Variants in ASCC2 observed in about 807,000 individuals in gnomAD.
ASCC2 encodes activating signal cointegrator 1 complex subunit 2, also known as ASC-1 complex subunit P100.
Under a neutral mutation model 93.5 loss-of-function variants are expected in ASCC2, and 42 were observed. That is an observed-to-expected ratio of 0.45 (90% CI 0.35 to 0.58). ASCC2 has a LOEUF of 0.58. ASCC2 is among the 20% of genes least tolerant of loss of function. The pLI is 0.00. For missense variants in ASCC2, 859 were observed against 977.6 expected (o/e 0.88, Z 1.62); for synonymous variants, 364 against 384.2 (o/e 0.95, Z 0.62).
At chr22:29,816,737 C>T (rs191786614) in intron 5 of ASCC2, 2 of 142,736 alleles carry the variant, frequency 1.4e-5, no homozygotes, top group African/African-American at 5.1e-5. Context: ...TAGGTTCGAG[C>T]ATATGGTAAC....
In ASCC2 at chr22:29,789,068, T is replaced by C. The variant is rs763203660; in HGVS notation, c.2219A>G (p.His740Arg). 5.0e-6 allele frequency: 8 copies of C among 1,614,180 alleles called. 1 individual carries two copies. Among genetic ancestry groups the C allele is most frequent in the Non-Finnish European group, 6.8e-6 (8 of 1,180,016 alleles). Residue 740 changes from histidine (H) to arginine (R), a missense_variant, in exon 20 of 20, where the codon CAC becomes CGC. Physicochemically the swap from His to Arg is conservative, Grantham distance 29. Transcript: ENST00000307790. Reference sequence around the variant, plus strand: ...GCGGTCGGCCATGGTTCTCCGGTTGTGGTTGGCTCTTGTCGCCTTGTTGGC... The same window carrying C: ...GCGGTCGGCCATGGTTCTCCGGTTGCGGTTGGCTCTTGTCGCCTTGTTGGC... ...KEANKATRAN[H>R]NRRTMADRKR... is the part of the protein sequence containing the mutation.
chr22:29,828,326 T>G lies in ASCC2; in HGVS notation c.82-2546A>C, dbSNP rs563271767. 2.0e-5 allele frequency among the ~76,000 whole-genome samples: 3 copies of G among 152,348 alleles called. No individual in the cohort carries two copies. In the East Asian group the frequency reaches 5.8e-4, roughly 29 times the overall value. ...TGAAAGCTGCCACTCATTGTGGACCTGCCCTGTGCCAGCCACTAAGCAGGC... is the reference window on the plus strand; with the variant it reads ...TGAAAGCTGCCACTCATTGTGGACCGGCCCTGTGCCAGCCACTAAGCAGGC... On this transcript the variant is annotated intron_variant, in intron 2 of 19. Transcript: ENST00000307790.
At position 29,818,299 on chromosome 22, in the gene ASCC2, A is replaced by ATG. The variant is rs759471077; in HGVS notation, c.542-2228_542-2227dup. 7.8e-4 allele frequency among the ~76,000 whole-genome samples: 118 copies of ATG among 151,800 alleles called. 1 individual carries two copies. The highest frequency in any genetic ancestry group is 3.4e-3 in the Middle Eastern group (1 of 294). The stretch of plus-strand genomic sequence containing the variant: ...AAGGTTAAAAAGAGAGCTGCTGTGT[A>ATG]TGTGTGTGTGAGAGAGACAGACAGA... On this transcript the variant is annotated intron_variant, in intron 5 of 19. Coordinates refer to ENST00000307790, the MANE Select transcript of ASCC2 (RefSeq NM_032204.5).
rs144678934 is a variant in ASCC2 at position 29,802,191 on chromosome 22, C to T, written c.1371G>A (p.Ala457=). ...CCCCACACATGGCAGGGCCCACAGC[C>T]GCGGCTGCTCCCATGCACTGTAGTG... is the stretch of plus-strand genomic sequence containing the variant. ...SEEEECMGAA[A]AVGPAMCGVE... The change falls in exon 14 of 20, where the codon GCG becomes GCA. Residue 457 remains alanine, a synonymous_variant. Transcript: ENST00000307790. The T allele has an allele frequency of 1.0e-4, 169 of 1,613,984 alleles. No individual in the cohort carries two copies. Among genetic ancestry groups the T allele is most frequent in the Middle Eastern group, 3.3e-4 (2 of 5,996 alleles).
chr22:29,791,993 C>T (rs980090277), intron 18 of ASCC2, among the ~76,000 whole-genome samples: 1 of 152,170 alleles, frequency 6.6e-6, no homozygotes, highest in Non-Finnish European at 1.5e-5. Context: ...CTGTTCTGTA[C>T]GTTGAGGTTC....
chr22:29,797,381 C>G (rs2058571737), intron 15 of ASCC2, among the ~76,000 whole-genome samples: 1 of 152,166 alleles, frequency 6.6e-6, no homozygotes, highest in East Asian at 1.9e-4. Context: ...TTCTAAAGAG[C>G]CTGTGGAAGC....
chr22:29,821,960 C>A, intron 5 of ASCC2: 2 of 450,012 alleles, frequency 4.4e-6, no homozygotes, highest in South Asian at 1.6e-5. Flanking sequence ...GATTGCGCCA[C>A]TGCACTCTTG....
intron 10 of ASCC2, 63 bp from the exon 11 acceptor site, chr22:29,806,616 A>G (rs1601940144): frequency 6.5e-7 from 1 of 1,526,882 alleles, no homozygotes; most frequent in East Asian, 2.3e-5. Flanking sequence ...GCTCCTTTAC[A>G]CACCCGCTGC....
intron 15 of ASCC2, among the ~76,000 whole-genome samples, chr22:29,800,450 C>A (rs947667557): frequency 9.2e-5 from 14 of 152,182 alleles, no homozygotes; most frequent in Admixed American, 6.5e-4. Context: ...CTAATTAATC[C>A]AGAGCCTAGA....
At position 29,825,984 on chromosome 22, in the gene ASCC2, G is replaced by T; in HGVS notation, c.82-204C>A. ...GGCGGTAATTAAAATCCATGTTTTC[G>T]GAGTGGATTTAATGACACGGGGAAA... On this transcript the variant is annotated intron_variant, in intron 2 of 19. Transcript: ENST00000307790. This position sits in a 1 kb window ranked among gnomAD's most constrained non-coding sequence, Gnocchi z 4.9. The T allele has an allele frequency of 1.9e-6, 1 of 529,770 alleles. No homozygotes were observed. The highest frequency in any genetic ancestry group is 3.3e-6 in the Non-Finnish European group (1 of 304,744). The allele number at this position is 529,770 out of a possible 1,614,324, so 32.8% of individuals were successfully genotyped here.
At chr22:29,827,451 C>G (rs556912109) in intron 2 of ASCC2, 25 of 375,746 alleles carry the variant, frequency 6.7e-5, no homozygotes, top group Non-Finnish European at 1.1e-4. Flanking sequence ...TCCTCAAGAA[C>G]CATCTATGCC....
Position 29,825,050 on chromosome 22 carries a change from T to C in ASCC2, c.411+37A>G, listed in dbSNP as rs1459778614. 7.3e-7 allele frequency: 1 copy of C among 1,375,270 alleles called. No homozygotes were observed. The highest frequency in any genetic ancestry group is 1.9e-5 in the South Asian group (1 of 53,374). 85.2% of individuals were successfully genotyped at this position (1,375,270 alleles called of 1,614,324 possible). ...GAGAGCCCGGCACAGAGGTGTCGAG[T>C]ATCGGGTGATGACCTGTCATGGGAT... On this transcript the variant is annotated intron_variant, in intron 4 of 19. Transcript: ENST00000307790. This position sits in a 1 kb window ranked among gnomAD's most constrained non-coding sequence, Gnocchi z 4.9.
At chr22:29,802,869 C>T (rs567907799) in intron 13 of ASCC2, among the ~76,000 whole-genome samples, 1 of 151,982 alleles carries the variant, frequency 6.6e-6, no homozygotes, top group African/African-American at 2.4e-5. Context: ...CCCAGAAGGT[C>T]GAGGCTGCAG....
chr22:29,820,920 A>C (rs2061480304), intron 5 of ASCC2, among the ~76,000 whole-genome samples: 2 of 151,820 alleles, frequency 1.3e-5, no homozygotes, highest in African/African-American at 4.8e-5. Flanking sequence ...ACACAAAAAA[A>C]AAAAAAAAAA....
chr22:29,793,808 C>A, intron 15 of ASCC2, 132 bp from the exon 16 acceptor site: 68 of 769,890 alleles, frequency 8.8e-5, no homozygotes, highest in East Asian at 1.9e-4. Context: ...TGAAATCAAG[C>A]ATTGGTGAGG....
At position 29,808,211 on chromosome 22, in the gene ASCC2, G is replaced by A. The variant is rs947160195; in HGVS notation, c.834-26C>T. The A allele has an allele frequency of 9.3e-6, 15 of 1,609,448 alleles. No individual in the cohort carries two copies. In the Middle Eastern group the frequency reaches 5.0e-4, roughly 53 times the overall value. ...CTGTGCAGGCACACACAGGGAAAAT[G>A]TTGGATTAGTTCATAAATACCACAC... On this transcript the variant is annotated intron_variant, in intron 8 of 19. Transcript: ENST00000307790.
intron 13 of ASCC2, 84 bp downstream of exon 13, chr22:29,804,554 A>G: frequency 6.6e-7 from 1 of 1,513,050 alleles, no homozygotes; most frequent in Non-Finnish European, 9.0e-7. Context: ...AAAGCAAAGA[A>G]GGGAGGTTTC....
At chr22:29,835,276 T>A (rs1042445860) in intron 1 of ASCC2, among the ~76,000 whole-genome samples, 1 of 151,972 alleles carries the variant, frequency 6.6e-6, no homozygotes, top group Non-Finnish European at 1.5e-5. Context: ...TGCACTCCTG[T>A]AGTCCCAGCT....
At position 29,800,994 on chromosome 22, in the gene ASCC2, T is replaced by C. The variant is rs746785566; in HGVS notation, c.1685A>G (p.Lys562Arg). The change falls in exon 15 of 20, where the codon AAG becomes AGG. Residue 562 changes from lysine to arginine, a missense_variant. Lys to Arg is a conservative substitution (Grantham distance 26). Transcript: ENST00000307790. The stretch of plus-strand genomic sequence containing the variant: ...CCCCATGGCCCACTGCACTCACCTC[T>C]TGCCCTTGTGCACCCGGCTCAGGTC... ...SVDLSRVHKG[K>R]STRKEENTRS... 68 of 1,594,316 alleles carry C rather than the reference T, an allele frequency of 4.3e-5. No homozygotes were observed. In the Admixed American group the frequency reaches 7.9e-4, roughly 19 times the overall value.
Sources: allele counts gnomAD v4.1 joint callset (sites outside exome capture counted in the v4.1 genomes callset), GRCh38; gene constraint gnomAD v4.1.1; non-coding constraint Gnocchi (gnomAD v3.1); transcripts MANE v1.5; gene names NCBI Gene and HGNC (gene_info 2026-07-23, HGNC 2026-07-21).